FAM117B: variants seen among roughly 807,000 people sequenced by gnomAD.
FAM117B encodes the protein family with sequence similarity 117 member B.
A neutral mutation model predicts 52.8 loss-of-function variants in FAM117B; 22 were observed. The observed-to-expected ratio is 0.42, with a 90% CI of 0.30 to 0.59. The LOEUF is 0.59. Ranked by LOEUF, FAM117B falls within the 20% of genes least tolerant of loss-of-function variation. The probability of loss-of-function intolerance (pLI) is 0.22; values close to 1 mark genes in which losing one functional copy is unlikely to be tolerated. For missense variants in FAM117B, 678 were observed against 802.6 expected, an observed-to-expected ratio of 0.84 and a Z score of 1.88; for synonymous variants, 309 against 324.1, an observed-to-expected ratio of 0.95 and a Z score of 0.50.
At chr2:202,716,139 C>T (rs1354751671) in intron 2 of FAM117B, among the ~76,000 whole-genome samples, 1 of 152,142 alleles carries the variant, frequency 6.6e-6, no homozygotes, top group Non-Finnish European at 1.5e-5. Context: ...TATGTAGTGA[C>T]CTTCTTTGTC....
At chr2:202,714,086 ATTGT>A (rs1166967477) in intron 2 of FAM117B, among the ~76,000 whole-genome samples, 1 of 152,086 alleles carries the variant, frequency 6.6e-6, no homozygotes, top group Non-Finnish European at 1.5e-5. Context: ...TCAGGAGCAT[ATTGT>A]TTAATTTTCA....
chr2:202,668,598 C>G (rs1559098264), intron 1 of FAM117B, among the ~76,000 whole-genome samples: 1 of 145,508 alleles, frequency 6.9e-6, no homozygotes, highest in African/African-American at 2.5e-5. Context: ...CTAGCCTGGG[C>G]TACAGAGTGA....
chr2:202,762,133 G>A (rs900985913), intron 7 of FAM117B, among the ~76,000 whole-genome samples: 9 of 152,224 alleles, frequency 5.9e-5, no homozygotes, highest in Non-Finnish European at 1.2e-4. Context: ...AGCAAGGGTA[G>A]ATTGTTGGTC....
At chr2:202,671,136 A>G (rs894099980) in intron 1 of FAM117B, among the ~76,000 whole-genome samples, 3 of 152,222 alleles carry the variant, frequency 2.0e-5, no homozygotes, top group Non-Finnish European at 4.4e-5. Context: ...GGAAGGTTGT[A>G]GTTTTGTCGA....
At chr2:202,714,606 A>G (rs1691014248) in intron 2 of FAM117B, among the ~76,000 whole-genome samples, 1 of 145,892 alleles carries the variant, frequency 6.9e-6, no homozygotes, top group Non-Finnish European at 1.5e-5. Flanking sequence ...TCATAGGACA[A>G]TAGTGGAGGG....
chr2:202,726,387 T>C, intron 4 of FAM117B, 24 bp downstream of exon 4: 2 of 1,522,936 alleles, frequency 1.3e-6, no homozygotes, highest in Non-Finnish European at 9.0e-7. Context: ...TACCACAAAA[T>C]CCAGAAAAGG....
At chr2:202,638,202 T>C (rs565508562) in intron 1 of FAM117B, among the ~76,000 whole-genome samples, 5 of 152,162 alleles carry the variant, frequency 3.3e-5, no homozygotes, top group Admixed American at 6.5e-5. Context: ...CTTACAGATA[T>C]GAACAAAACT....
intron 1 of FAM117B, among the ~76,000 whole-genome samples, chr2:202,672,880 A>G (rs1449689121): frequency 6.6e-6 from 1 of 151,796 alleles, no homozygotes; most frequent in African/African-American, 2.4e-5. Flanking sequence ...TCTACAAAAA[A>G]TAAAAAAAAA....
chr2:202,755,908 A>G (rs970555675), intron 5 of FAM117B, among the ~76,000 whole-genome samples: 3 of 152,168 alleles, frequency 2.0e-5, no homozygotes, highest in African/African-American at 7.2e-5. Flanking sequence ...AACAGAAACT[A>G]TTTTTTGTTT....
chr2:202,682,169 A>G (rs1405847360), intron 1 of FAM117B, among the ~76,000 whole-genome samples: 2 of 152,102 alleles, frequency 1.3e-5, no homozygotes, highest in Admixed American at 6.6e-5. Context: ...AATCTCCCGC[A>G]TTTATCATTT....
At chr2:202,724,296 G>T (rs1363077443) in intron 2 of FAM117B, among the ~76,000 whole-genome samples, 2 of 152,072 alleles carry the variant, frequency 1.3e-5, no homozygotes, top group East Asian at 3.8e-4. Context: ...GTCCGCCTTG[G>T]CCTCCCAAAG....
intron 1 of FAM117B, among the ~76,000 whole-genome samples, chr2:202,654,777 A>G (rs1690027282): frequency 6.6e-6 from 1 of 152,044 alleles, no homozygotes; most frequent in Admixed American, 6.6e-5. Context: ...ATAGGCGGCA[A>G]GAAAATATGG....
chr2:202,743,755 G>A (rs1691586747), intron 4 of FAM117B, among the ~76,000 whole-genome samples: 1 of 152,146 alleles, frequency 6.6e-6, no homozygotes. Flanking sequence ...AAATTCAGTT[G>A]AGAGCTTTAG....
intron 2 of FAM117B, among the ~76,000 whole-genome samples, chr2:202,709,295 C>T (rs985362133): frequency 3.3e-5 from 5 of 151,844 alleles, no homozygotes; most frequent in Admixed American, 6.6e-5. Flanking sequence ...CTCTGCCTCC[C>T]GGGTTCAAGC....
chr2:202,731,651 C>T (rs967175170), intron 4 of FAM117B, among the ~76,000 whole-genome samples: 3 of 151,186 alleles, frequency 2.0e-5, no homozygotes, highest in Admixed American at 6.6e-5. Flanking sequence ...AGGCTGGTCT[C>T]GTACTCCTGA....
At chr2:202,728,944 G>A (rs1032088484) in intron 4 of FAM117B, among the ~76,000 whole-genome samples, 2 of 152,116 alleles carry the variant, frequency 1.3e-5, no homozygotes, top group East Asian at 1.9e-4. Flanking sequence ...CACATCAAGC[G>A]TCTTAACTGT....
chr2:202,768,478 G>T lies in FAM117B; in HGVS notation c.*2714G>T, dbSNP rs182860438. 1 of 152,550 alleles carries T rather than the reference G, an allele frequency of 6.6e-6. No homozygotes were observed. Among genetic ancestry groups the T allele is most frequent in the Non-Finnish European group, 1.5e-5 (1 of 68,018 alleles). The allele number at this position is 152,550 out of a possible 1,614,324, so 9.4% of individuals were successfully genotyped here. On this transcript the variant is annotated 3_prime_UTR_variant, in exon 8 of 8. Coordinates refer to ENST00000392238, the MANE Select transcript of FAM117B (RefSeq NM_173511.4). ...ATAGAGCTTGAGATTTGAAAAAAAG[G>T]TACAAGGTACAAAACAACTCTAACT... is the stretch of plus-strand genomic sequence containing the variant.
chr2:202,726,360 T>C lies in FAM117B; in HGVS notation c.957T>C (p.Cys319=). 1 of 1,608,488 alleles carries C rather than the reference T, an allele frequency of 6.2e-7. No homozygotes were observed. Among genetic ancestry groups the C allele is most frequent in the Non-Finnish European group, 8.5e-7 (1 of 1,176,922 alleles). ...FHGNHAAINQ[C]QAPVPKSALI... ...GCAACCATGCAGCTATTAACCAGTG[T>C]CAGGTAAGAGTACCAATACCACAAA... Residue 319 remains cysteine (C), a synonymous_variant, in exon 4 of 8, where the codon TGT becomes TGC. Coordinates refer to ENST00000392238, the MANE Select transcript of FAM117B (RefSeq NM_173511.4).
rs923345390 is a variant in FAM117B, at chr2:202,724,513, A to G, written c.754-404A>G. ...AGTCAGATAAAGCATATGAAAGCACAGTGCCTAGCACATAAGAGCACAAGA... is the reference window on the plus strand; with the variant it reads ...AGTCAGATAAAGCATATGAAAGCACGGTGCCTAGCACATAAGAGCACAAGA... On this transcript the variant is annotated intron_variant, in intron 2 of 7. Transcript: ENST00000392238. Among the ~76,000 whole-genome samples, 16 of 152,228 alleles carry G rather than the reference A, an allele frequency of 1.1e-4. 1 individual carries two copies. Among genetic ancestry groups the G allele is most frequent in the Admixed American group, 1.0e-3 (16 of 15,288 alleles).
Sources: allele counts gnomAD v4.1 joint callset (sites outside exome capture counted in the v4.1 genomes callset), GRCh38; gene constraint gnomAD v4.1.1; transcripts MANE v1.5; gene names NCBI Gene and HGNC (gene_info 2026-07-23, HGNC 2026-07-21).